FAM219A: variants seen among roughly 807,000 people sequenced by gnomAD.
FAM219A encodes protein FAM219A.
In FAM219A, 7 loss-of-function variants were observed where a neutral mutation model predicts 23.4. That is an observed-to-expected ratio of 0.30 (90% CI 0.17 to 0.56). The LOEUF (loss-of-function observed/expected upper bound fraction) is 0.56. Among genes scored for constraint, FAM219A ranks in the 20% least tolerant of loss-of-function variants. FAM219A has a pLI of 0.92. For synonymous variants in FAM219A, 93 were observed against 99.0 expected, an observed-to-expected ratio of 0.94 and a Z score of 0.36; for missense variants, 166 against 246.9, an observed-to-expected ratio of 0.67 and a Z score of 2.20.
chr9:34,414,687 G>T (rs1462741618), intron 1 of FAM219A, among the ~76,000 whole-genome samples: 2 of 152,170 alleles, frequency 1.3e-5, no homozygotes, highest in African/African-American at 4.8e-5. Context: ...TCTTACAAAT[G>T]GGGGAGAACA....
In FAM219A at chr9:34,416,273, G is replaced by GGGAGGGAAGGAA. The variant is rs1219097586; in HGVS notation, c.61-10310_61-10309insTTCCTTCCCTCC. Among the ~76,000 whole-genome samples the GGGAGGGAAGGAA allele has an allele frequency of 9.5e-4, 108 of 114,178 alleles. 3 individuals are homozygous for GGGAGGGAAGGAA. The highest frequency in any genetic ancestry group is 4.3e-3 in the Middle Eastern group (1 of 232). The allele number at this position is 114,178 out of a possible 152,430, so 74.9% of individuals were successfully genotyped here. ...AAAGAAAGAAAGGGGGAGGGAGGGAGGGAAGGAAGGAAGGAAGGAAGGAAG... is the reference window on the plus strand; with the variant it reads ...AAAGAAAGAAAGGGGGAGGGAGGGAGGGAGGGAAGGAAGGAAGGAAGGAAGGAAGGAAGGAAG... On this transcript the variant is annotated intron_variant, in intron 1 of 5. Transcript: ENST00000651358.
intron 1 of FAM219A, among the ~76,000 whole-genome samples, chr9:34,449,772 CA>C (rs1316833149): frequency 1.3e-5 from 2 of 152,288 alleles, no homozygotes; most frequent in African/African-American, 4.8e-5. Flanking sequence ...CTGAATTAAA[CA>C]AAGTTGAAAA....
intron 2 of FAM219A, among the ~76,000 whole-genome samples, chr9:34,405,428 C>T (rs1051868069): frequency 1.3e-5 from 2 of 152,182 alleles, no homozygotes; most frequent in African/African-American, 4.8e-5. Flanking sequence ...GCCCAGAGAT[C>T]TCTAGATGGG....
intron 1 of FAM219A, among the ~76,000 whole-genome samples, chr9:34,420,784 C>G (rs1822239638): frequency 6.6e-6 from 1 of 151,656 alleles, no homozygotes; most frequent in Admixed American, 6.6e-5. Context: ...CAAGACGAGT[C>G]TGGGCAACAA....
intron 4 of FAM219A, chr9:34,402,125 G>T: frequency 7.0e-7 from 1 of 1,436,400 alleles, no homozygotes; most frequent in Non-Finnish European, 9.1e-7. Context: ...AACATCACAG[G>T]CCAATTAGGG....
chr9:34,414,528 T>A (rs1028417747), intron 1 of FAM219A, among the ~76,000 whole-genome samples: 1 of 151,994 alleles, frequency 6.6e-6, no homozygotes, highest in Admixed American at 6.5e-5. Flanking sequence ...TAAAATAAAA[T>A]AAAATAAAAT....
intron 1 of FAM219A, among the ~76,000 whole-genome samples, chr9:34,431,389 C>T (rs141782837): frequency 3.2e-4 from 49 of 152,286 alleles, no homozygotes; most frequent in African/African-American, 9.1e-4. Context: ...AACTCACACA[C>T]GCATATACAT....
rs531561225 is a variant in FAM219A, at chr9:34,419,159, T to A, written c.61-13195A>T. 1.3e-4 allele frequency among the ~76,000 whole-genome samples: 20 copies of A among 152,202 alleles called. 2 individuals carry two copies. In the South Asian group the frequency reaches 4.2e-3, roughly 32 times the overall value. ...TATGTTATGCATATTCTAATACAAT[T>A]TTTTTTTAAAAAAATTGAGAAGCAG... On this transcript the variant is annotated intron_variant, in intron 1 of 5. Coordinates refer to ENST00000651358, the MANE Select transcript of FAM219A (RefSeq NM_001184940.2).
intron 1 of FAM219A, among the ~76,000 whole-genome samples, chr9:34,433,356 G>A (rs1474591588): frequency 1.3e-5 from 2 of 152,026 alleles, no homozygotes; most frequent in Non-Finnish European, 2.9e-5. Context: ...AGGTTCTGCA[G>A]AATATCTAAT....
At chr9:34,444,785 A>T (rs551334282) in intron 1 of FAM219A, among the ~76,000 whole-genome samples, 1 of 152,190 alleles carries the variant, frequency 6.6e-6, no homozygotes, top group Middle Eastern at 3.2e-3. Context: ...TTCTCATAGC[A>T]GCCTTACCTG....
At chr9:34,416,576 C>T (rs1822039985) in intron 1 of FAM219A, among the ~76,000 whole-genome samples, 9 of 151,880 alleles carry the variant, frequency 5.9e-5, no homozygotes, top group Admixed American at 5.9e-4. Context: ...CCAGCCTGGC[C>T]AACATGGCAA....
At chr9:34,415,435 A>ACTGC (rs1821965802) in intron 1 of FAM219A, among the ~76,000 whole-genome samples, 1 of 152,240 alleles carries the variant, frequency 6.6e-6, no homozygotes, top group Non-Finnish European at 1.5e-5. Flanking sequence ...GGAGGGTGCT[A>ACTGC]CTGCCCCCAG....
At chr9:34,456,045 T>C (rs1014171308) in intron 1 of FAM219A, among the ~76,000 whole-genome samples, 43 of 151,986 alleles carry the variant, frequency 2.8e-4, no homozygotes, top group African/African-American at 1.0e-3. Flanking sequence ...ATACAAAAAT[T>C]AGCCATGCGT....
rs1822091833 is a variant in FAM219A, at chr9:34,417,830, A to G, written c.61-11866T>C. Among the ~76,000 whole-genome samples the G allele has an allele frequency of 6.6e-6, 1 of 152,146 alleles. No individual in the cohort carries two copies. The highest frequency in any genetic ancestry group is 1.5e-5 in the Non-Finnish European group (1 of 68,026). On this transcript the variant is annotated intron_variant, in intron 1 of 5. Transcript: ENST00000651358. The surrounding 1 kb of genome is among the most constrained non-coding windows in gnomAD (Gnocchi z 4.1). ...CTGGGCATCACCTGCCAGACAAAATACTCCTGACTTGAGGCCACCAATTAA... is the reference window on the plus strand; with the variant it reads ...CTGGGCATCACCTGCCAGACAAAATGCTCCTGACTTGAGGCCACCAATTAA...
intron 2 of FAM219A, among the ~76,000 whole-genome samples, 153 bp from the exon 3 acceptor site, chr9:34,402,960 T>C (rs772930412): frequency 5.9e-5 from 9 of 151,994 alleles, no homozygotes; most frequent in Non-Finnish European, 1.0e-4. Flanking sequence ...TGCTGCTTGG[T>C]GGAGATAGTA....
chr9:34,435,244 T>C (rs953027826), intron 1 of FAM219A, among the ~76,000 whole-genome samples: 1 of 152,172 alleles, frequency 6.6e-6, no homozygotes, highest in Non-Finnish European at 1.5e-5. Context: ...CTGGGGTGCA[T>C]AGCAGGAACA....
intron 1 of FAM219A, chr9:34,406,494 A>G: frequency 2.0e-6 from 2 of 985,420 alleles, no homozygotes; most frequent in Non-Finnish European, 2.4e-6. Context: ...GGCTACAGCC[A>G]CTGGACAAAA....
chr9:34,401,232 T>C (rs1351565727), intron 5 of FAM219A, 110 bp from the exon 6 acceptor site: 1 of 1,338,586 alleles, frequency 7.5e-7, no homozygotes, highest in African/African-American at 1.4e-5. Flanking sequence ...GCCCTGGATA[T>C]CAGCCCCGCC....
intron 2 of FAM219A, 36 bp from the exon 3 acceptor site, chr9:34,402,843 C>T: frequency 1.0e-5 from 16 of 1,599,326 alleles, no homozygotes; most frequent in Non-Finnish European, 1.4e-5. Flanking sequence ...TGTGTCCTGC[C>T]CCTGAGGCCA....
Sources: allele counts gnomAD v4.1 joint callset (sites outside exome capture counted in the v4.1 genomes callset), GRCh38; gene constraint gnomAD v4.1.1; non-coding constraint Gnocchi (gnomAD v3.1); transcripts MANE v1.5; gene names NCBI Gene and HGNC (gene_info 2026-07-23, HGNC 2026-07-21).